ZCCHC7: variants seen among roughly 807,000 people sequenced by gnomAD.
The protein encoded by ZCCHC7 is zinc finger CCHC domain-containing protein 7.
A neutral mutation model predicts 52.0 loss-of-function variants in ZCCHC7; 35 were observed. That is an observed-to-expected ratio of 0.67 (90% CI 0.51 to 0.89). ZCCHC7 has a LOEUF of 0.89. Among genes scored for constraint, ZCCHC7 ranks in the 40% least tolerant of loss-of-function variants. The probability of loss-of-function intolerance (pLI) is 0.00; values close to 1 mark genes in which losing one functional copy is unlikely to be tolerated. For synonymous variants in ZCCHC7, 217 were observed against 221.5 expected, an observed-to-expected ratio of 0.98 and a Z score of 0.18; for missense variants, 574 against 649.1, an observed-to-expected ratio of 0.88 and a Z score of 1.26.
chr9:37,288,571 C>T (rs556232466), intron 2 of ZCCHC7, among the ~76,000 whole-genome samples: 1 of 152,174 alleles, frequency 6.6e-6, no homozygotes, highest in South Asian at 2.1e-4. Context: ...TTCTCTCCTT[C>T]AGTTCTCTTT....
At chr9:37,149,413 AT>A (rs572738611) in intron 2 of ZCCHC7, among the ~76,000 whole-genome samples, 17 of 150,698 alleles carry the variant, frequency 1.1e-4, no homozygotes, top group Non-Finnish European at 1.9e-4. Context: ...TTTCCCACTT[AT>A]TTTTTTTTAG....
chr9:37,336,938 C>T (rs1830693081), intron 6 of ZCCHC7, among the ~76,000 whole-genome samples: 1 of 152,208 alleles, frequency 6.6e-6, no homozygotes, highest in African/African-American at 2.4e-5. Flanking sequence ...GGGGTCCAAA[C>T]AGTGGTAAGA....
chr9:37,256,730 A>T (rs1378245112), intron 2 of ZCCHC7, among the ~76,000 whole-genome samples: 1 of 151,906 alleles, frequency 6.6e-6, no homozygotes, highest in Non-Finnish European at 1.5e-5. Flanking sequence ...TGCATGAGTG[A>T]AAATTTCATT....
chr9:37,168,711 A>C (rs1420878316), intron 2 of ZCCHC7, among the ~76,000 whole-genome samples: 1 of 152,108 alleles, frequency 6.6e-6, no homozygotes, highest in East Asian at 1.9e-4. Flanking sequence ...TAGCCCTAGC[A>C]ACATAACAAG....
rs992480710 is a variant in ZCCHC7, at chr9:37,172,256, T to C, written c.610+45314T>C. Among the ~76,000 whole-genome samples the C allele has an allele frequency of 3.9e-5, 6 of 152,236 alleles. No homozygotes were observed. In the East Asian group the frequency reaches 9.6e-4, roughly 24 times the overall value. On this transcript the variant is annotated intron_variant, in intron 2 of 8. Transcript: ENST00000336755. Reference sequence around the variant, plus strand: ...CAACAGCTAGGAAAATCTGTTAAAATTGTAAATTTGTTGCTTTTGTTACTC... The same window carrying C: ...CAACAGCTAGGAAAATCTGTTAAAACTGTAAATTTGTTGCTTTTGTTACTC...
intron 2 of ZCCHC7, among the ~76,000 whole-genome samples, chr9:37,239,348 G>C (rs368178768): frequency 5.9e-5 from 9 of 151,786 alleles, no homozygotes; most frequent in African/African-American, 2.2e-4. Flanking sequence ...CTTTTTGTTG[G>C]TATTAGATTC....
At chr9:37,306,802 T>TTTTTTTTTTTTG (rs1829346103) in intron 5 of ZCCHC7, among the ~76,000 whole-genome samples, 1 of 92,082 alleles carries the variant, frequency 1.1e-5, no homozygotes, top group Admixed American at 1.3e-4. Context: ...TTTTTTTTTT[T>TTTTTTTTTTTTG]TTGGAGACAG....
chr9:37,186,777 T>C, intron 2 of ZCCHC7: 1 of 521,974 alleles, frequency 1.9e-6, no homozygotes, highest in East Asian at 3.2e-5. Flanking sequence ...TTTCTATGGT[T>C]AGGTTTTAAT....
upstream of ZCCHC7, among the ~76,000 whole-genome samples, chr9:37,120,249 C>T (rs560793979): frequency 2.2e-4 from 34 of 152,280 alleles, no homozygotes; most frequent in African/African-American, 8.2e-4. Flanking sequence ...TAGTTTTCCT[C>T]GCGGGGGTAG....
chr9:37,308,605 G>A (rs1380197437), intron 5 of ZCCHC7, among the ~76,000 whole-genome samples: 2 of 152,104 alleles, frequency 1.3e-5, no homozygotes, highest in Non-Finnish European at 2.9e-5. Context: ...CCCAATGAAT[G>A]TAGGTTTTTT....
At chr9:37,132,835 G>C (rs530226355) in intron 2 of ZCCHC7, among the ~76,000 whole-genome samples, 1 of 152,112 alleles carries the variant, frequency 6.6e-6, no homozygotes, top group Admixed American at 6.5e-5. Flanking sequence ...GACAGTAGCC[G>C]ATGAGCTAAA....
intron 2 of ZCCHC7, among the ~76,000 whole-genome samples, chr9:37,189,593 G>A (rs540801476): frequency 2.6e-5 from 4 of 152,286 alleles, no homozygotes; most frequent in African/African-American, 9.6e-5. Flanking sequence ...TCACCATGTT[G>A]ACCAGGCTGG....
At chr9:37,310,959 TAAA>T in intron 5 of ZCCHC7, among the ~76,000 whole-genome samples, 1 of 115,042 alleles carries the variant, frequency 8.7e-6, no homozygotes, top group African/African-American at 3.3e-5. Context: ...TCTCTCTTTT[TAAA>T]AAAAAAAAAA....
intron 2 of ZCCHC7, among the ~76,000 whole-genome samples, chr9:37,248,511 C>G (rs1419550315): frequency 6.6e-6 from 1 of 152,134 alleles, no homozygotes; most frequent in Non-Finnish European, 1.5e-5. Context: ...TCCAGATTTC[C>G]TACCCAATAA....
At chr9:37,288,300 C>A (rs1712229318) in intron 2 of ZCCHC7, among the ~76,000 whole-genome samples, 2 of 149,016 alleles carry the variant, frequency 1.3e-5, no homozygotes, top group Non-Finnish European at 3.0e-5. Flanking sequence ...AAAAATCTAT[C>A]TATCTATCTA....
At chr9:37,226,769 G>T (rs866118150) in intron 2 of ZCCHC7, among the ~76,000 whole-genome samples, 3 of 152,274 alleles carry the variant, frequency 2.0e-5, no homozygotes, top group African/African-American at 7.2e-5. Context: ...GGTGGCTCAT[G>T]CCTGTAATCC....
chr9:37,206,276 C>T (rs1176470069), intron 2 of ZCCHC7, among the ~76,000 whole-genome samples: 1 of 150,302 alleles, frequency 6.7e-6, no homozygotes, highest in Middle Eastern at 3.4e-3. Context: ...CCCCTCCCGG[C>T]TTTCTCCCTC....
chr9:37,231,369 T>C (rs1825396397), intron 2 of ZCCHC7, among the ~76,000 whole-genome samples: 1 of 152,216 alleles, frequency 6.6e-6, no homozygotes, highest in African/African-American at 2.4e-5. Context: ...TCAGTAAACT[T>C]CATGGCTTTT....
chr9:37,125,688 T>TA (rs1460198761), intron 1 of ZCCHC7, among the ~76,000 whole-genome samples: 1 of 152,258 alleles, frequency 6.6e-6, no homozygotes, highest in Non-Finnish European at 1.5e-5. Flanking sequence ...AGTTTTGTTT[T>TA]AACATTTTGG....
Sources: gnomAD v4.1 joint callset for allele counts (sites outside exome capture counted in the v4.1 genomes callset) on GRCh38, gnomAD v4.1.1 for gene constraint, MANE v1.5 for transcripts, NCBI Gene and HGNC (gene_info 2026-07-23, HGNC 2026-07-21) for gene names.